Variants in FBN2 observed in about 807,000 individuals in gnomAD.
The protein encoded by FBN2 is fibrillin-2.
A neutral mutation model predicts 355.6 loss-of-function variants in FBN2; 105 were observed. The observed-to-expected ratio is 0.30, with a 90% confidence interval of 0.25 to 0.35. The LOEUF (loss-of-function observed/expected upper bound fraction) is 0.35. FBN2 is among the 10% of genes least tolerant of loss of function. The pLI is 1.00. For synonymous variants in FBN2, 1,350 were observed against 1,301.2 expected (o/e 1.04, Z -0.81); for missense variants, 3,280 against 3,758.7 (o/e 0.87, Z 3.33).
Position 128,366,419 on chromosome 5 carries a change from C to T in FBN2, c.2260G>A (p.Gly754Ser), listed in dbSNP as rs145259927. The change falls in exon 17 of 65, where the codon GGC becomes AGC. Residue 754 changes from glycine (G) to serine (S), a missense_variant. Transcript: ENST00000262464. ...CPAKNSAEFH[G>S]LCSSGVGITV... is the part of the protein sequence containing the mutation. ...ATACCTACTCCACTACTACAAAGGC[C>T]GTGGAATTCAGCTGTATGACAAAAA... 1.6e-3 allele frequency: 2,508 copies of T among 1,603,254 alleles called. 3 individuals carry two copies. The highest frequency in any genetic ancestry group is 3.3e-3 in the Admixed American group (196 of 59,726).
intron 11 of FBN2, among the ~76,000 whole-genome samples, chr5:128,384,790 G>T (rs904174296): frequency 1.4e-4 from 21 of 151,974 alleles, no homozygotes; most frequent in Admixed American, 1.4e-3. Flanking sequence ...ATTATAGTTG[G>T]ATTTTTTCAG....
chr5:128,273,720 G>A, intron 61 of FBN2, 120 bp downstream of exon 61: 1 of 979,674 alleles, frequency 1.0e-6, no homozygotes. Context: ...AAGTTGCTGG[G>A]TCCTATTTTG....
At position 128,336,116 on chromosome 5, in the gene FBN2, A is replaced by G. The variant is rs751542663; in HGVS notation, c.3599-3T>C. ...ACTCAGGGAGCATTCATTAATATCTATAAAAGATACACAGAAGTAATGCTT... is the reference window on the plus strand; with the variant it reads ...ACTCAGGGAGCATTCATTAATATCTGTAAAAGATACACAGAAGTAATGCTT... On this transcript the variant is annotated splice_polypyrimidine_tract_variant and splice_region_variant and intron_variant, in intron 27 of 64. Coordinates refer to ENST00000262464, the MANE Select transcript of FBN2 (RefSeq NM_001999.4). 1 of 1,613,072 alleles carries G rather than the reference A, an allele frequency of 6.2e-7. No homozygotes were observed. The highest frequency in any genetic ancestry group is 2.2e-5 in the East Asian group (1 of 44,888).
chr5:128,454,044 G>A (rs1754324034), intron 6 of FBN2, among the ~76,000 whole-genome samples: 1 of 151,078 alleles, frequency 6.6e-6, no homozygotes, highest in South Asian at 2.1e-4. Flanking sequence ...AGGTTCTGAA[G>A]TAGATCTGTC....
intron 7 of FBN2, among the ~76,000 whole-genome samples, chr5:128,436,553 A>C (rs998172871): frequency 2.0e-5 from 3 of 151,954 alleles, no homozygotes; most frequent in Admixed American, 6.6e-5. Context: ...GTAATTGTCT[A>C]TTTTATATGG....
Position 128,384,017 on chromosome 5 carries a change from G to C in FBN2, c.1604-5127C>G, listed in dbSNP as rs76093976. 1.0e-3 allele frequency among the ~76,000 whole-genome samples: 157 copies of C among 152,086 alleles called. 2 individuals carry two copies. The East Asian group carries it at 0.019, about 19-fold the overall frequency. The stretch of plus-strand genomic sequence containing the variant: ...ATAAGAGCTTTATTTGTGATACACA[G>C]AAACTGGAAACAAAATAAGTGCCCA... On this transcript the variant is annotated intron_variant, in intron 11 of 64. Transcript: ENST00000262464.
intron 47 of FBN2, 123 bp from the exon 48 acceptor site, chr5:128,301,059 T>A: frequency 1.2e-6 from 1 of 850,156 alleles, no homozygotes; most frequent in East Asian, 2.6e-5. Context: ...TGGGTCACCA[T>A]GAACAAATAT....
intron 31 of FBN2, among the ~76,000 whole-genome samples, chr5:128,334,457 C>T (rs1334916894): frequency 2.6e-5 from 4 of 152,138 alleles, no homozygotes; most frequent in South Asian, 2.1e-4. Flanking sequence ...GTGGTCAGGG[C>T]CATGGGAACC....
intron 61 of FBN2, 25 bp downstream of exon 61, chr5:128,273,815 A>C (rs1765321367): frequency 6.2e-7 from 1 of 1,610,570 alleles, no homozygotes; most frequent in African/African-American, 1.3e-5. Flanking sequence ...TATTAGATTA[A>C]GAATTTTTGA....
chr5:128,433,866 G>T (rs1351652147), intron 7 of FBN2, among the ~76,000 whole-genome samples: 1 of 152,034 alleles, frequency 6.6e-6, no homozygotes, highest in Admixed American at 6.6e-5. Context: ...TGAAACCACA[G>T]CCCTCTAGGA....
chr5:128,481,709 T>A (rs1468915596), intron 5 of FBN2, among the ~76,000 whole-genome samples: 1 of 152,222 alleles, frequency 6.6e-6, no homozygotes, highest in African/African-American at 2.4e-5. Flanking sequence ...TTCTTATTAT[T>A]TGTATTATCT....
intron 54 of FBN2, 142 bp downstream of exon 54, chr5:128,287,166 A>G: frequency 9.7e-7 from 1 of 1,032,662 alleles, no homozygotes; most frequent in South Asian, 1.3e-5. Context: ...TTATCTAGGT[A>G]TGGAAATCTA....
At chr5:128,288,791 CAGA>C (rs1377240772) in intron 52 of FBN2, among the ~76,000 whole-genome samples, 2 of 152,296 alleles carry the variant, frequency 1.3e-5, no homozygotes, top group African/African-American at 2.4e-5. Context: ...ATGACAAATC[CAGA>C]AGAAGAATGT....
chr5:128,376,584 C>G lies in FBN2; in HGVS notation c.1972+147G>C, dbSNP rs571804486. 25 of 916,848 alleles carry G rather than the reference C, an allele frequency of 2.7e-5. 1 individual carries two copies. In the African/African-American group the frequency reaches 3.3e-4, roughly 12 times the overall value. The allele number at this position is 916,848 out of a possible 1,614,324, so 56.8% of individuals were successfully genotyped here. On this transcript the variant is annotated intron_variant, in intron 14 of 64. Coordinates refer to ENST00000262464, the MANE Select transcript of FBN2 (RefSeq NM_001999.4). ...CCACAATGTGTGTTTTTCTAGAAAG[C>G]TTTAGACACCTGCCTTAGTGAATTA...
chr5:128,350,238 CT>C (rs1267081727), intron 21 of FBN2, among the ~76,000 whole-genome samples: 1 of 152,168 alleles, frequency 6.6e-6, no homozygotes, highest in Non-Finnish European at 1.5e-5. Context: ...CCTACAATTT[CT>C]TTTTGCTGTC....
chr5:128,446,662 CTT>C, intron 6 of FBN2, 56 bp from the exon 7 acceptor site: 1 of 1,570,958 alleles, frequency 6.4e-7, no homozygotes, highest in Non-Finnish European at 8.7e-7. Flanking sequence ...AATATCTATA[CTT>C]TTTTTTACTA....
chr5:128,509,389 T>C (rs1056190473), intron 5 of FBN2, among the ~76,000 whole-genome samples: 46 of 152,256 alleles, frequency 3.0e-4, no homozygotes, highest in African/African-American at 1.1e-3. Flanking sequence ...CAGAAAAATG[T>C]TCACCTCAGA....
Position 128,393,438 on chromosome 5 carries a change from C to G in FBN2, c.1232-70G>C. 3 of 1,325,032 alleles carry G rather than the reference C, an allele frequency of 2.3e-6. No homozygotes were observed. The South Asian group carries it at 3.6e-5, about 16-fold the overall frequency. 82.1% of individuals were successfully genotyped at this position (1,325,032 alleles called of 1,614,324 possible). ...CTGCATAACAAAAGCCATTGGTACACTGTACTAAGTCACTTTGGGTTACCT... is the reference window on the plus strand; with the variant it reads ...CTGCATAACAAAAGCCATTGGTACAGTGTACTAAGTCACTTTGGGTTACCT... On this transcript the variant is annotated intron_variant, in intron 9 of 64. Transcript: ENST00000262464.
intron 7 of FBN2, among the ~76,000 whole-genome samples, chr5:128,429,560 G>C (rs1318024689): frequency 6.6e-6 from 1 of 151,876 alleles, no homozygotes; most frequent in African/African-American, 2.4e-5. Context: ...TGGCATAAAG[G>C]ATCTATACAC....
Sources: gnomAD v4.1 joint callset for allele counts (sites outside exome capture counted in the v4.1 genomes callset) on GRCh38, gnomAD v4.1.1 for gene constraint, MANE v1.5 for transcripts, NCBI Gene and HGNC (gene_info 2026-07-23, HGNC 2026-07-21) for gene names.